Variants in CA6 observed in about 807,000 individuals in gnomAD.
CA6 encodes the protein carbonate dehydratase VI.
Under a neutral mutation model 35.9 loss-of-function variants are expected in CA6, and 28 were observed. The observed-to-expected ratio is 0.78, with a 90% CI of 0.58 to 1.07. CA6 has a LOEUF of 1.07. Among genes scored for constraint, CA6 ranks in the 50% least tolerant of loss-of-function variants. The probability of loss-of-function intolerance (pLI) is 0.00; values close to 1 mark genes in which losing one functional copy is unlikely to be tolerated. For missense variants in CA6, 377 were observed against 382.0 expected (o/e 0.99, Z 0.11); for synonymous variants, 148 against 152.6 (o/e 0.97, Z 0.22).
intron 1 of CA6, among the ~76,000 whole-genome samples, chr1:8,948,291 C>T (rs1639422939): frequency 6.6e-6 from 1 of 152,096 alleles, no homozygotes; most frequent in African/African-American, 2.4e-5. Context: ...AATCACTCAC[C>T]TATGTTACTC....
At chr1:8,956,080 G>A (rs955680000) in intron 2 of CA6, among the ~76,000 whole-genome samples, 6 of 151,340 alleles carry the variant, frequency 4.0e-5, no homozygotes, top group South Asian at 2.1e-4. Context: ...AAAATTAGCC[G>A]GGCATGGTGG....
In CA6 at chr1:8,949,112, C is replaced by T. The variant is rs1639448806; in HGVS notation, c.80-151C>T. 5 of 537,142 alleles carry T rather than the reference C, an allele frequency of 9.3e-6. No homozygotes were observed. In the South Asian group the frequency reaches 1.5e-4, roughly 16 times the overall value. The allele number at this position is 537,142 out of a possible 1,614,324, so 33.3% of individuals were successfully genotyped here. A position where few individuals can be genotyped will look rare whatever the true frequency, so the allele number is the denominator to read the frequency against. ...GGAGTTGACCTCGTTGTCTTTTTGGCCTCCTTCTGGGGGACCTGCTTCTGC... is the reference window on the plus strand; with the variant it reads ...GGAGTTGACCTCGTTGTCTTTTTGGTCTCCTTCTGGGGGACCTGCTTCTGC... On this transcript the variant is annotated intron_variant, in intron 1 of 7. Transcript: ENST00000377443.
chr1:8,960,150 G>A (rs181953869), intron 4 of CA6, among the ~76,000 whole-genome samples: 132 of 150,966 alleles, frequency 8.7e-4, no homozygotes, highest in Middle Eastern at 6.8e-3. Context: ...AGAACTACTC[G>A]AACCCAAGAG....
Position 8,962,665 on chromosome 1 carries a change from A to G in CA6, c.571+9A>G. The G allele has an allele frequency of 1.2e-6, 2 of 1,611,644 alleles. No individual in the cohort carries two copies. Among genetic ancestry groups the G allele is most frequent in the Non-Finnish European group, 1.7e-6 (2 of 1,177,766 alleles). On this transcript the variant is annotated intron_variant, in intron 5 of 7. Coordinates refer to ENST00000377443, the MANE Select transcript of CA6 (RefSeq NM_001215.4). ...CAACATCAAGTACCCAGGTAAGGGAAGCCAACTGTGGCTGCAGGAGGGAAG... is the reference window on the plus strand; with the variant it reads ...CAACATCAAGTACCCAGGTAAGGGAGGCCAACTGTGGCTGCAGGAGGGAAG...
At chr1:8,966,213 G>A (rs548432099) in intron 5 of CA6, among the ~76,000 whole-genome samples, 40 of 152,094 alleles carry the variant, frequency 2.6e-4, no homozygotes, top group African/African-American at 6.7e-4. Context: ...AAGTTCAAGC[G>A]CTTCTCCTGC....
Position 8,968,878 on chromosome 1 carries a change from G to A in CA6, c.729+1062G>A, listed in dbSNP as rs886762551. ...TAAAAGTACAAAAAATTAGCCAGTC[G>A]TGGTGGTGGGGCGCTTGTAATCCCA... On this transcript the variant is annotated intron_variant, in intron 6 of 7. Transcript: ENST00000377443. Among the ~76,000 whole-genome samples, 8 of 150,482 alleles carry A rather than the reference G, an allele frequency of 5.3e-5. No homozygotes were observed. In the East Asian group the frequency reaches 1.2e-3, roughly 22 times the overall value.
intron 7 of CA6, 83 bp from the exon 8 acceptor site, chr1:8,974,539 A>G (rs3765963): frequency 0.44 from 603,891 of 1,386,008 alleles, 138,946 homozygotes; most frequent in East Asian, 0.78. Flanking sequence ...CGATGCGGGT[A>G]TGGTGTCTGG....
chr1:8,951,699 T>C (rs1639541096), intron 2 of CA6: 1 of 762,252 alleles, frequency 1.3e-6, no homozygotes, highest in Admixed American at 1.7e-5. Context: ...ACCTTCTTCC[T>C]TTAGGGCTCT....
chr1:8,954,469 C>G (rs1395991730), intron 2 of CA6, among the ~76,000 whole-genome samples: 1 of 151,970 alleles, frequency 6.6e-6, no homozygotes, highest in Non-Finnish European at 1.5e-5. Flanking sequence ...CTGGCCTATT[C>G]CTTTATTTTC....
intron 5 of CA6, among the ~76,000 whole-genome samples, chr1:8,964,557 T>C (rs989577334): frequency 4.5e-5 from 4 of 88,098 alleles, no homozygotes; most frequent in African/African-American, 9.9e-5. Context: ...GCATCGTTGA[T>C]GTCTTACTCT....
intron 2 of CA6, among the ~76,000 whole-genome samples, chr1:8,955,492 C>T (rs575109919): frequency 5.1e-4 from 78 of 152,298 alleles, no homozygotes; most frequent in African/African-American, 1.8e-3. Flanking sequence ...CTCCCGGGAG[C>T]TGTGTTTTGG....
At chr1:8,965,756 G>A (rs1265184805) in intron 5 of CA6, among the ~76,000 whole-genome samples, 1 of 151,974 alleles carries the variant, frequency 6.6e-6, no homozygotes, top group East Asian at 1.9e-4. Context: ...GTGTTATGGA[G>A]GGTGCCTGTA....
chr1:8,971,628 C>G (rs1462646574), intron 7 of CA6, among the ~76,000 whole-genome samples: 1 of 152,054 alleles, frequency 6.6e-6, no homozygotes, highest in East Asian at 1.9e-4. Context: ...CCTTATTAAC[C>G]CCACCCAGAT....
At chr1:8,971,468 C>T (rs539212843) in intron 7 of CA6, among the ~76,000 whole-genome samples, 16 of 152,000 alleles carry the variant, frequency 1.1e-4, no homozygotes, top group East Asian at 1.9e-4. Context: ...CCTACCACCA[C>T]GCCCGGCTAA....
intron 7 of CA6, 53 bp downstream of exon 7, chr1:8,971,034 C>T (rs1640097376): frequency 1.7e-6 from 2 of 1,195,952 alleles, no homozygotes; most frequent in East Asian, 2.3e-5. Context: ...CTGTTTTGCT[C>T]CTTCCTCTAG....
intron 7 of CA6, among the ~76,000 whole-genome samples, chr1:8,971,486 T>C (rs914263655): frequency 2.0e-5 from 3 of 151,938 alleles, no homozygotes; most frequent in Non-Finnish European, 4.4e-5. Flanking sequence ...TAATTTTTTT[T>C]TTTTAACTGA....
rs145707079 is a variant in CA6, at chr1:8,967,734, A to G, written c.647A>G (p.His216Arg). The change falls in exon 6 of 8, where the codon CAT (histidine) becomes CGT (arginine). Residue 216 changes from histidine to arginine, a missense_variant. Transcript: ENST00000377443. ...AACCTCCAGCACTACTACACCTACCATGGCTCACTCACCACGCCTCCCTGC... is the reference window on the plus strand; with the variant it reads ...AACCTCCAGCACTACTACACCTACCGTGGCTCACTCACCACGCCTCCCTGC... ...PRNLQHYYTY[H>R]GSLTTPPCTE... The G allele has an allele frequency of 2.0e-5, 32 of 1,613,734 alleles. No individual in the cohort carries two copies. Among genetic ancestry groups the G allele is most frequent in the Non-Finnish European group, 2.7e-5 (32 of 1,179,934 alleles).
rs148034186 is a variant in CA6 at position 8,954,850 on chromosome 1, C to T, written c.260-2287C>T. On this transcript the variant is annotated intron_variant, in intron 2 of 7. Coordinates refer to ENST00000377443, the MANE Select transcript of CA6 (RefSeq NM_001215.4). Reference sequence around the variant, plus strand: ...TTGGCCTCCTAAATTGCTAGGATTACAGGTGTGAGCTGCCGGGCCTGGCCT... The same window carrying T: ...TTGGCCTCCTAAATTGCTAGGATTATAGGTGTGAGCTGCCGGGCCTGGCCT... 6.8e-3 allele frequency among the ~76,000 whole-genome samples: 1,035 copies of T among 152,324 alleles called. 8 individuals carry two copies. Among genetic ancestry groups the T allele is most frequent in the African/African-American group, 0.023 (973 of 41,570 alleles).
chr1:8,962,191 G>A (rs545822035), intron 4 of CA6, among the ~76,000 whole-genome samples: 51 of 151,130 alleles, frequency 3.4e-4, no homozygotes, highest in African/African-American at 9.0e-4. Flanking sequence ...GCAGTGAGCC[G>A]AGATTATGCC....
Sources: gnomAD v4.1 joint callset for allele counts (sites outside exome capture counted in the v4.1 genomes callset) on GRCh38, gnomAD v4.1.1 for gene constraint, MANE v1.5 for transcripts, NCBI Gene and HGNC (gene_info 2026-07-23, HGNC 2026-07-21) for gene names.